The following RBFOX1 variants were observed in gnomAD, a reference collection of about 807,000 sequenced individuals.
RBFOX1 encodes RNA binding fox-1 homolog 1, also known as RNA binding protein fox-1 homolog 1.
RBFOX1 carries 8 observed loss-of-function variants against 57.7 expected under a neutral mutation model. The observed-to-expected ratio is 0.14, with a 90% CI of 0.08 to 0.25. The LOEUF is 0.25. Ranked by LOEUF, RBFOX1 falls within the 10% of genes least tolerant of loss-of-function variation. The probability of loss-of-function intolerance (pLI) is 1.00; values close to 1 mark genes in which losing one functional copy is unlikely to be tolerated. For missense variants in RBFOX1, 611 were observed against 548.5 expected (o/e 1.11, Z -1.14); for synonymous variants, 326 against 222.4 (o/e 1.47, Z -4.15).
chr16:7,382,864 A>G (rs1337229256), intron 4 of RBFOX1, among the ~76,000 whole-genome samples: 1 of 152,262 alleles, frequency 6.6e-6, no homozygotes, highest in Non-Finnish European at 1.5e-5. Flanking sequence ...GTGTAATGCA[A>G]TTAAATTGAG....
intron 3 of RBFOX1, among the ~76,000 whole-genome samples, chr16:6,927,439 A>AAAAAAAAAAAAAAAAAAAAAAAAAAAAC (rs869233820): frequency 1.3e-5 from 2 of 149,658 alleles, no homozygotes; most frequent in African/African-American, 4.9e-5. Context: ...AAAAAAAAAA[A>AAAAAAAAAAAAAAAAAAAAAAAAAAAAC]TCCGAACGTC....
chr16:7,028,739 A>C (rs1004096943), intron 3 of RBFOX1, among the ~76,000 whole-genome samples: 1 of 151,832 alleles, frequency 6.6e-6, no homozygotes, highest in African/African-American at 2.4e-5. Context: ...ATGCACAGGA[A>C]ATGTAATAGG....
At chr16:6,590,002 C>T (rs764086329) in intron 2 of RBFOX1, among the ~76,000 whole-genome samples, 1 of 152,024 alleles carries the variant, frequency 6.6e-6, no homozygotes, top group African/African-American at 2.4e-5. Flanking sequence ...ATAGAAAGGC[C>T]AAGAAGTAGC....
At chr16:5,392,967 C>T (rs1351275517) in intron 1 of RBFOX1, among the ~76,000 whole-genome samples, 1 of 152,030 alleles carries the variant, frequency 6.6e-6, no homozygotes. Context: ...CTTTATGGAG[C>T]CCTAGGGAGG....
chr16:6,788,483 TA>T (rs1485511519), intron 3 of RBFOX1, among the ~76,000 whole-genome samples: 10 of 151,972 alleles, frequency 6.6e-5, no homozygotes, highest in African/African-American at 2.4e-4. Context: ...TTTTATTTTT[TA>T]TTTTTTTGAG....
chr16:6,806,973 G>A (rs28428661), intron 3 of RBFOX1, among the ~76,000 whole-genome samples: 85,539 of 149,858 alleles, frequency 0.57, 25,007 homozygotes, highest in African/African-American at 0.67. Flanking sequence ...AGCTGAGATT[G>A]CAGGCACGTC....
At chr16:7,036,495 G>C (rs1379741080) in intron 3 of RBFOX1, among the ~76,000 whole-genome samples, 1 of 151,970 alleles carries the variant, frequency 6.6e-6, no homozygotes, top group Non-Finnish European at 1.5e-5. Flanking sequence ...CGGATTACAA[G>C]GGCAGGAGTT....
intron 3 of RBFOX1, among the ~76,000 whole-genome samples, chr16:6,910,606 G>A (rs1223410123): frequency 1.3e-5 from 2 of 152,176 alleles, no homozygotes; most frequent in Non-Finnish European, 1.5e-5. Context: ...TCTTCCGGAG[G>A]TTTTATGGGA....
intron 1 of RBFOX1, among the ~76,000 whole-genome samples, chr16:6,208,443 G>A (rs781524904): frequency 2.0e-4 from 31 of 151,960 alleles, no homozygotes; most frequent in Non-Finnish European, 3.2e-4. Context: ...TGTGTCTGAA[G>A]TTGAGTAGAC....
At chr16:7,547,527 T>C (rs1325488416) in intron 5 of RBFOX1, among the ~76,000 whole-genome samples, 1 of 152,214 alleles carries the variant, frequency 6.6e-6, no homozygotes, top group Non-Finnish European at 1.5e-5. Context: ...AAGACCAACA[T>C]ACTTTATTGA....
Position 6,988,758 on chromosome 16 carries a change from G to T in RBFOX1, c.-15-63299G>T, listed in dbSNP as rs992582405. 7.5e-3 allele frequency among the ~76,000 whole-genome samples: 912 copies of T among 121,392 alleles called. 17 individuals carry two copies. Among genetic ancestry groups the T allele is most frequent in the African/African-American group, 0.028 (771 of 27,242 alleles). The allele number at this position is 121,392 out of a possible 152,430, so 79.6% of individuals were successfully genotyped here. A position where few individuals can be genotyped will look rare whatever the true frequency, so the allele number is the denominator to read the frequency against. ...TTTTTTTTTTGTTTGTTTGTTTTTTGTTTTTTGTTTTTTGTTTTTTGTTTT... is the reference window on the plus strand; with the variant it reads ...TTTTTTTTTTGTTTGTTTGTTTTTTTTTTTTTGTTTTTTGTTTTTTGTTTT... On this transcript the variant is annotated intron_variant, in intron 3 of 15. Coordinates refer to ENST00000550418, the MANE Select transcript of RBFOX1 (RefSeq NM_018723.4).
intron 12 of RBFOX1, among the ~76,000 whole-genome samples, chr16:7,657,870 A>G (rs1296496668): frequency 3.3e-5 from 5 of 152,212 alleles, no homozygotes; most frequent in Admixed American, 3.3e-4. Context: ...CAATTGAATG[A>G]GACTGAAGAG....
chr16:7,095,004 C>G (rs967425823), intron 4 of RBFOX1, among the ~76,000 whole-genome samples: 2 of 151,980 alleles, frequency 1.3e-5, no homozygotes, highest in Non-Finnish European at 2.9e-5. Flanking sequence ...TGTGGAATAA[C>G]CTTTTTACTC....
intron 14 of RBFOX1, among the ~76,000 whole-genome samples, chr16:7,700,643 G>A (rs146315188): frequency 1.3e-5 from 2 of 152,288 alleles, no homozygotes; most frequent in African/African-American, 4.8e-5. Context: ...CTAAGAGAAG[G>A]ATGGCCTTGA....
chr16:6,742,723 T>G (rs546112482), intron 3 of RBFOX1, among the ~76,000 whole-genome samples: 6 of 152,206 alleles, frequency 3.9e-5, no homozygotes, highest in African/African-American at 1.2e-4. Flanking sequence ...TGAATGAAAA[T>G]TAAAACAGTC....
intron 3 of RBFOX1, among the ~76,000 whole-genome samples, chr16:5,625,289 G>A (rs1567314115): frequency 2.0e-5 from 3 of 152,192 alleles, no homozygotes; most frequent in Admixed American, 2.0e-4. Flanking sequence ...TTTGTTGAAT[G>A]AATGATGCAA....
intron 3 of RBFOX1, among the ~76,000 whole-genome samples, chr16:5,847,904 C>G (rs2056798022): frequency 1.3e-5 from 2 of 152,104 alleles, no homozygotes; most frequent in Non-Finnish European, 1.5e-5. Flanking sequence ...CTGTAATTGT[C>G]CAGGACTCTA....
intron 1 of RBFOX1, among the ~76,000 whole-genome samples, chr16:6,061,748 T>C (rs2095689023): frequency 6.6e-6 from 1 of 152,116 alleles, no homozygotes; most frequent in African/African-American, 2.4e-5. Context: ...CTCACACTCA[T>C]ATAGCACAGA....
chr16:7,236,420 A>G (rs755372545), intron 4 of RBFOX1, among the ~76,000 whole-genome samples: 1 of 152,148 alleles, frequency 6.6e-6, no homozygotes, highest in Non-Finnish European at 1.5e-5. Flanking sequence ...CATGCACAAC[A>G]TCTGGCCTTC....
Sources: gnomAD v4.1 joint callset for allele counts (sites outside exome capture counted in the v4.1 genomes callset) on GRCh38, gnomAD v4.1.1 for gene constraint, MANE v1.5 for transcripts, NCBI Gene and HGNC (gene_info 2026-07-23, HGNC 2026-07-21) for gene names.